ASTN2: variants seen among roughly 807,000 people sequenced by gnomAD.
ASTN2 encodes the protein astrotactin-2.
A neutral mutation model predicts 139.8 loss-of-function variants in ASTN2; 54 were observed. The observed-to-expected ratio is 0.39, with a 90% CI of 0.31 to 0.48. The LOEUF is 0.48. ASTN2 is among the 20% of genes least tolerant of loss of function. The pLI, the probability that ASTN2 is intolerant of heterozygous loss-of-function variation, is 0.95. For synonymous variants in ASTN2, 756 were observed against 719.5 expected (o/e 1.05, Z -0.81); for missense variants, 1,565 against 1,725.1 (o/e 0.91, Z 1.64).
intron 6 of ASTN2, among the ~76,000 whole-genome samples, chr9:117,030,784 AG>A (rs1480369975): frequency 6.6e-6 from 1 of 152,032 alleles, no homozygotes; most frequent in Non-Finnish European, 1.5e-5. Flanking sequence ...ATTCTACTCT[AG>A]GGGGTATCCA....
intron 4 of ASTN2, among the ~76,000 whole-genome samples, chr9:117,118,281 A>G (rs1042526833): frequency 2.0e-5 from 3 of 152,216 alleles, no homozygotes; most frequent in African/African-American, 2.4e-5. Flanking sequence ...TAAGACAGCT[A>G]CTGGCCCAGT....
At chr9:117,330,299 T>A (rs1828661455) in intron 1 of ASTN2, among the ~76,000 whole-genome samples, 1 of 152,168 alleles carries the variant, frequency 6.6e-6, no homozygotes, top group Non-Finnish European at 1.5e-5. Flanking sequence ...GAAACCCAAC[T>A]GACACAACTA....
intron 7 of ASTN2, among the ~76,000 whole-genome samples, chr9:117,006,146 C>G (rs1416220739): frequency 1.3e-5 from 2 of 152,096 alleles, no homozygotes; most frequent in Non-Finnish European, 2.9e-5. Context: ...CTGTAAACAC[C>G]CACACCCAGC....
At chr9:116,856,253 G>A (rs1486266909) in intron 11 of ASTN2, among the ~76,000 whole-genome samples, 1 of 152,152 alleles carries the variant, frequency 6.6e-6, no homozygotes, top group Non-Finnish European at 1.5e-5. Flanking sequence ...ACCCCATGTG[G>A]CTGATCTACA....
chr9:116,524,631 G>T (rs576129999), intron 19 of ASTN2, among the ~76,000 whole-genome samples: 1 of 152,184 alleles, frequency 6.6e-6, no homozygotes, highest in South Asian at 2.1e-4. Context: ...CTCCCTTGGT[G>T]TTTTGTGAAC....
chr9:116,730,801 T>A (rs549386766), intron 14 of ASTN2, among the ~76,000 whole-genome samples: 77 of 152,296 alleles, frequency 5.1e-4, no homozygotes, highest in African/African-American at 1.9e-3. Context: ...AAAACAAATT[T>A]AAAAACTCCT....
chr9:116,630,906 TAG>T (rs1298212681), intron 17 of ASTN2, among the ~76,000 whole-genome samples: 2 of 151,854 alleles, frequency 1.3e-5, no homozygotes, highest in Admixed American at 1.3e-4. Context: ...GAGAGCTGAA[TAG>T]ACAGTCCTCA....
intron 19 of ASTN2, among the ~76,000 whole-genome samples, chr9:116,519,409 T>C (rs1850778195): frequency 1.3e-5 from 2 of 151,998 alleles, no homozygotes; most frequent in South Asian, 2.1e-4. Flanking sequence ...TGAATGATCA[T>C]TGGGTCAACA....
chr9:116,634,462 C>A lies in ASTN2; in HGVS notation c.3073-14019G>T, dbSNP rs1008473931. On this transcript the variant is annotated intron_variant, in intron 17 of 22. Transcript: ENST00000313400. ...AAAATTAGCCGGGCGTGGTAGCGGG[C>A]GCCTGTAGTCCCAGCTACTCGGAAG... Among the ~76,000 whole-genome samples the A allele has an allele frequency of 2.6e-5, 4 of 151,698 alleles. No homozygotes were observed. In the East Asian group the frequency reaches 5.8e-4, roughly 22 times the overall value.
Position 116,496,918 on chromosome 9 carries a change from C to A in ASTN2, c.3356-9418G>T, listed in dbSNP as rs1849686686. On this transcript the variant is annotated intron_variant, in intron 19 of 22. Transcript: ENST00000313400. Reference sequence around the variant, plus strand: ...AAAACCTGCCCCCATGATTCAATTACCTCCCACCAGGGTCCCTCCCATAAC... The same window carrying A: ...AAAACCTGCCCCCATGATTCAATTAACTCCCACCAGGGTCCCTCCCATAAC... Among the ~76,000 whole-genome samples the A allele has an allele frequency of 1.3e-5, 2 of 152,130 alleles. 1 individual carries two copies. Among genetic ancestry groups the A allele is most frequent in the South Asian group, 4.2e-4 (2 of 4,816 alleles).
At chr9:116,815,828 A>AAAAAAAAAAAAAAAAAAG (rs1554750237) in intron 12 of ASTN2, among the ~76,000 whole-genome samples, 7 of 145,874 alleles carry the variant, frequency 4.8e-5, no homozygotes, top group Admixed American at 6.9e-5. Context: ...AAAAAAAAAA[A>AAAAAAAAAAAAAAAAAAG]GTTGATGAAA....
At chr9:116,446,236 A>G (rs1431406306) in intron 20 of ASTN2, among the ~76,000 whole-genome samples, 2 of 145,136 alleles carry the variant, frequency 1.4e-5, no homozygotes, top group East Asian at 4.3e-4. Context: ...AGAGACAGAG[A>G]CAGAGACAGA....
intron 6 of ASTN2, among the ~76,000 whole-genome samples, chr9:117,025,195 T>C (rs1338503693): frequency 2.0e-5 from 3 of 152,028 alleles, no homozygotes; most frequent in African/African-American, 7.2e-5. Context: ...CTTCAGGAAA[T>C]AGCTATTTCA....
intron 5 of ASTN2, among the ~76,000 whole-genome samples, chr9:117,054,606 T>C (rs971436275): frequency 1.3e-5 from 2 of 152,122 alleles, no homozygotes; most frequent in Non-Finnish European, 2.9e-5. Flanking sequence ...GTGTAAGAGT[T>C]AGCTGATGGG....
intron 13 of ASTN2, among the ~76,000 whole-genome samples, chr9:116,737,958 C>A (rs187080755): frequency 6.7e-5 from 10 of 148,596 alleles, no homozygotes; most frequent in Admixed American, 4.0e-4. Flanking sequence ...TTTGGGAGGC[C>A]GAGGCGGGCG....
At chr9:117,208,214 C>A (rs1291666767) in intron 3 of ASTN2, among the ~76,000 whole-genome samples, 1 of 151,860 alleles carries the variant, frequency 6.6e-6, no homozygotes, top group Non-Finnish European at 1.5e-5. Flanking sequence ...TTTAAATAAA[C>A]TCAGTGAGGT....
At chr9:116,562,508 G>A (rs1202663006) in intron 19 of ASTN2, among the ~76,000 whole-genome samples, 1 of 151,742 alleles carries the variant, frequency 6.6e-6, no homozygotes, top group East Asian at 2.0e-4. Context: ...AGGCCTAGGC[G>A]GGCGGATCAC....
intron 19 of ASTN2, among the ~76,000 whole-genome samples, chr9:116,600,267 C>T (rs1411529197): frequency 1.4e-5 from 2 of 141,514 alleles, no homozygotes; most frequent in African/African-American, 2.7e-5. Context: ...GAGGCTACAG[C>T]GAGGTGTGAT....
At chr9:116,514,587 T>C (rs1850554998) in intron 19 of ASTN2, among the ~76,000 whole-genome samples, 4 of 152,332 alleles carry the variant, frequency 2.6e-5, no homozygotes, top group Middle Eastern at 3.4e-3. Flanking sequence ...TGTTAGGCTA[T>C]GCCCTGCCCC....
Sources: allele counts gnomAD v4.1 joint callset (sites outside exome capture counted in the v4.1 genomes callset), GRCh38; gene constraint gnomAD v4.1.1; transcripts MANE v1.5; gene names NCBI Gene and HGNC (gene_info 2026-07-23, HGNC 2026-07-21).